The following SRCIN1 variants were observed in gnomAD, a reference collection of about 807,000 sequenced individuals.
SRCIN1 encodes the protein SRC kinase signaling inhibitor 1, also known as P130Cas-associated protein.
A neutral mutation model predicts 116.2 loss-of-function variants in SRCIN1; 50 were observed. The ratio of observed to expected loss-of-function variants is 0.43; its 90% CI spans 0.34 to 0.54. SRCIN1 has a LOEUF of 0.54. Among genes scored for constraint, SRCIN1 ranks in the 20% least tolerant of loss-of-function variants. The pLI is 0.02. For missense variants in SRCIN1, 1,446 were observed against 1,672.0 expected (o/e 0.86, Z 2.36); for synonymous variants, 736 against 750.0 (o/e 0.98, Z 0.30).
At chr17:38,533,594 G>A (rs1019631465) in intron 18 of SRCIN1, among the ~76,000 whole-genome samples, 163 bp from the exon 19 acceptor site, 1 of 149,746 alleles carries the variant, frequency 6.7e-6, no homozygotes, top group African/African-American at 2.5e-5. Context: ...CCCTTGAATG[G>A]TGGAGGGGTG....
intron 18 of SRCIN1, among the ~76,000 whole-genome samples, chr17:38,539,020 C>T (rs1049316066): frequency 2.0e-5 from 3 of 152,156 alleles, no homozygotes; most frequent in Admixed American, 6.6e-5. Context: ...GCCATTATAG[C>T]GATTGTCATT....
rs1906249901 is a variant in SRCIN1, at chr17:38,561,619, G to A, written c.1544C>T (p.Ser515Phe). ...AGGACTCTCGGCAAAGACGGACGAG[G>A]AGCCCGAGTCCTTGCGGAAGGACTG... is the stretch of plus-strand genomic sequence containing the variant. ...VRQSFRKDSG[S>F]SSVFAESPGG... The change falls in exon 7 of 19, where the codon TCC (serine) becomes TTC (phenylalanine). Residue 515 changes from serine to phenylalanine, a missense_variant. Ser to Phe is a radical substitution (Grantham distance 155, BLOSUM62 -2). Transcript: ENST00000617146. 3 of 1,588,074 alleles carry A rather than the reference G, an allele frequency of 1.9e-6. No homozygotes were observed. In the African/African-American group the frequency reaches 4.1e-5, roughly 22 times the overall value.
At chr17:38,589,683 C>T (rs748765447) in intron 1 of SRCIN1, among the ~76,000 whole-genome samples, 9 of 152,184 alleles carry the variant, frequency 5.9e-5, no homozygotes, top group Admixed American at 2.6e-4. Context: ...TCCACCAGGG[C>T]GAGGGGGCCG....
chr17:38,551,065 G>T, intron 15 of SRCIN1, 90 bp downstream of exon 15: 1 of 609,316 alleles, frequency 1.6e-6, no homozygotes, highest in South Asian at 2.2e-5. Flanking sequence ...CAATGATCTT[G>T]AGATCCCAGT....
In SRCIN1 at chr17:38,558,360, C is replaced by T; in HGVS notation, c.2068G>A (p.Glu690Lys). 1 of 1,607,626 alleles carries T rather than the reference C, an allele frequency of 6.2e-7. No homozygotes were observed. Residue 690 changes from glutamate (E) to lysine (K), a missense_variant, in exon 11 of 19, where the codon GAG becomes AAG. Transcript: ENST00000617146. This position sits in a 1 kb window ranked among gnomAD's most constrained non-coding sequence, Gnocchi z 4.6. ...ESVRALLKRT[E>K]AELSMRVSEA... ...GACACGCGCATGCTCAGCTCTGCCT[C>T]CGTGCGCTTCAGCAGCGCGCGCACC...
At position 38,543,895 on chromosome 17, in the gene SRCIN1, C is replaced by T. The variant is rs1418915285; in HGVS notation, c.3345G>A (p.Gln1115=). The stretch of plus-strand genomic sequence containing the variant: ...GTTTGCTTTTGTCGGGGCTGCCCGC[C>T]TGGCCCTGGGCCGCCTTCAGCCGAG... The part of the protein sequence containing the change: ...GASRLKAAQG[Q]AGSPDKSKHG... Residue 1115 remains glutamine, a synonymous_variant, in exon 18 of 19, where the codon CAG becomes CAA. Transcript: ENST00000617146. 1.8e-5 allele frequency: 29 copies of T among 1,606,694 alleles called. No homozygotes were observed. The East Asian group carries it at 6.0e-4, about 33-fold the overall frequency.
intron 11 of SRCIN1, among the ~76,000 whole-genome samples, chr17:38,555,510 A>G (rs1019886471): frequency 1.3e-5 from 2 of 152,212 alleles, no homozygotes; most frequent in African/African-American, 2.4e-5. Context: ...TTGAATTATT[A>G]AACAATTTGG....
In SRCIN1 at chr17:38,562,392, T is replaced by C; in HGVS notation, c.835-64A>G. ...ACCAAGGACACCCCTGTCCCTTGCT[T>C]GAGGAGCCAGCATCTCCTCCCTGAC... On this transcript the variant is annotated intron_variant, in intron 6 of 18. Coordinates refer to ENST00000617146, the MANE Select transcript of SRCIN1 (RefSeq NM_025248.3). This position sits in a 1 kb window ranked among gnomAD's most constrained non-coding sequence, Gnocchi z 4.2. 1 of 1,383,088 alleles carries C rather than the reference T, an allele frequency of 7.2e-7. No individual in the cohort carries two copies. The highest frequency in any genetic ancestry group is 9.3e-7 in the Non-Finnish European group (1 of 1,073,800). 85.7% of individuals were successfully genotyped at this position (1,383,088 alleles called of 1,614,324 possible). A position where few individuals can be genotyped will look rare whatever the true frequency, so the allele number is the denominator to read the frequency against.
intron 14 of SRCIN1, 74 bp from the exon 15 acceptor site, chr17:38,551,463 C>T: frequency 7.7e-7 from 1 of 1,297,994 alleles, no homozygotes; most frequent in South Asian, 1.4e-5. Context: ...AGCCTCCTCC[C>T]CCAAGCCACG....
intron 1 of SRCIN1, among the ~76,000 whole-genome samples, chr17:38,597,707 C>T (rs182512192): frequency 2.0e-5 from 3 of 152,340 alleles, no homozygotes; most frequent in Admixed American, 1.3e-4. Context: ...AGGAGCTAAA[C>T]TGTCTCCTAT....
chr17:38,592,694 T>C (rs1908505413), intron 1 of SRCIN1, among the ~76,000 whole-genome samples: 1 of 152,196 alleles, frequency 6.6e-6, no homozygotes, highest in African/African-American at 2.4e-5. Context: ...ACATGTGTCA[T>C]CATGTAGTCA....
chr17:38,581,481 T>TA (rs1555611401), intron 1 of SRCIN1, among the ~76,000 whole-genome samples: 8 of 149,858 alleles, frequency 5.3e-5, no homozygotes, highest in African/African-American at 1.7e-4. Flanking sequence ...TTTTTTTTTT[T>TA]AAATACCTTT....
At chr17:38,592,138 G>A (rs1350508157) in intron 1 of SRCIN1, among the ~76,000 whole-genome samples, 1 of 152,194 alleles carries the variant, frequency 6.6e-6, no homozygotes, top group African/African-American at 2.4e-5. Flanking sequence ...TTCCCTGCAA[G>A]TGCCCCGTGT....
rs1906244563 is a variant in SRCIN1, at chr17:38,561,576, G to A, written c.1587C>T (p.Ser529=). 1 of 1,601,436 alleles carries A rather than the reference G, an allele frequency of 6.2e-7. No homozygotes were observed. Among genetic ancestry groups the A allele is most frequent in the African/African-American group, 1.4e-5 (1 of 73,752 alleles). The change falls in exon 7 of 19, where the codon AGC becomes AGT. Residue 529 remains serine (S), a synonymous_variant. Transcript: ENST00000617146. The part of the protein sequence containing the change: ...FAESPGGKTR[S]AGSASTAGAP... Reference sequence around the variant, plus strand: ...CTCCGGCCGTCGAGGCGCTCCCCGCGCTGCGGGTCTTCCCTCCAGGACTCT... The same window carrying A: ...CTCCGGCCGTCGAGGCGCTCCCCGCACTGCGGGTCTTCCCTCCAGGACTCT...
At chr17:38,540,020 C>CAAAAAAA (rs71138631) in intron 18 of SRCIN1, among the ~76,000 whole-genome samples, 1 of 60,986 alleles carries the variant, frequency 1.6e-5, no homozygotes, top group African/African-American at 5.7e-5. Context: ...GACTCCATCT[C>CAAAAAAA]AAAAAAAAAA....
At position 38,559,735 on chromosome 17, in the gene SRCIN1, C is replaced by T. The variant is rs1906093721; in HGVS notation, c.1875G>A (p.Pro625=). The T allele has an allele frequency of 1.3e-6, 2 of 1,547,476 alleles. No individual in the cohort carries two copies. The highest frequency in any genetic ancestry group is 1.7e-6 in the Non-Finnish European group (2 of 1,155,704). The change falls in exon 10 of 19, where the codon CCG becomes CCA. Residue 625 remains proline (P), a synonymous_variant. Coordinates refer to ENST00000617146, the MANE Select transcript of SRCIN1 (RefSeq NM_025248.3). ...CCGAGGGCGGGGGCGGGCCGGACACCGGGGTGGCCCCGCTGCTCCGGCCGC... is the reference window on the plus strand; with the variant it reads ...CCGAGGGCGGGGGCGGGCCGGACACTGGGGTGGCCCCGCTGCTCCGGCCGC... The part of the protein sequence containing the change: ...GSGGRSSGAT[P]VSGPPPPSAS...
chr17:38,559,541 A>G, intron 10 of SRCIN1, 44 bp downstream of exon 10: 2 of 1,576,904 alleles, frequency 1.3e-6, no homozygotes, highest in African/African-American at 1.3e-5. Flanking sequence ...GACTTCTACC[A>G]GTAGGTGGGC....
chr17:38,569,919 A>G (rs2429986), intron 2 of SRCIN1, among the ~76,000 whole-genome samples: 54,366 of 151,986 alleles, frequency 0.36, 14,054 homozygotes, highest in African/African-American at 0.74. Flanking sequence ...CAGGCAGAGG[A>G]CACCGGAAGG....
In SRCIN1 at chr17:38,558,508, C is replaced by A. The variant is rs1259348335; in HGVS notation, c.2026-106G>T. On this transcript the variant is annotated intron_variant, in intron 10 of 18. Transcript: ENST00000617146. This position sits in a 1 kb window ranked among gnomAD's most constrained non-coding sequence, Gnocchi z 4.6. ...GAGGACTGCCCAATCCAGGGCGGGG[C>A]TCTGCAGAAGAAGCGGCTGCTTGGC... 7.4e-7 allele frequency: 1 copy of A among 1,353,772 alleles called. No individual in the cohort carries two copies. The highest frequency in any genetic ancestry group is 9.8e-7 in the Non-Finnish European group (1 of 1,015,390). 83.9% of individuals were successfully genotyped at this position (1,353,772 alleles called of 1,614,324 possible).
Sources: allele counts gnomAD v4.1 joint callset (sites outside exome capture counted in the v4.1 genomes callset), GRCh38; gene constraint gnomAD v4.1.1; non-coding constraint Gnocchi (gnomAD v3.1); transcripts MANE v1.5; gene names NCBI Gene and HGNC (gene_info 2026-07-23, HGNC 2026-07-21).